Variants in F8 observed in about 807,000 individuals in gnomAD.
F8 encodes antihemophilic factor.
A neutral mutation model predicts 140.6 loss-of-function variants in F8; 12 were observed. That is an observed-to-expected ratio of 0.09 (90% confidence interval 0.05 to 0.14). F8 has a LOEUF of 0.14. F8 is among the 10% of genes least tolerant of loss of function. The pLI is 1.00. For synonymous variants in F8, 585 were observed against 614.6 expected (o/e 0.95, Z 0.71); for missense variants, 1,354 against 1,720.7 (o/e 0.79, Z 3.77).
rs1461583274 is a variant in F8, at chrX:154,972,656, T to C, written c.788-3104A>G. Among the ~76,000 whole-genome samples, 6 of 109,487 alleles carry C rather than the reference T, an allele frequency of 5.5e-5. No individual in the cohort carries two copies. The East Asian group carries it at 1.7e-3, about 31-fold the overall frequency. ...CTTCTAATAATTTCAGAGTTTCAGG[T>C]CTTAAATTTAATTCCTTAATCTATT... On this transcript the variant is annotated intron_variant, in intron 6 of 25. Transcript: ENST00000360256.
In F8 at chrX:154,929,447, T is replaced by G; in HGVS notation, c.4343A>C (p.Gln1448Pro). The G allele has an allele frequency of 8.3e-7, 1 of 1,211,872 alleles. No homozygotes were observed. The highest frequency in any genetic ancestry group is 1.1e-6 in the Non-Finnish European group (1 of 895,481). Residue 1448 changes from glutamine to proline, a missense_variant, in exon 14 of 26, where the codon CAA becomes CCA. Physicochemically the swap from Gln to Pro is moderately conservative, Grantham distance 76. Around this residue, in one of 4 missense-constraint regions of F8, gnomAD observed 658 missense variants for 666.5 expected, o/e 0.99. Transcript: ENST00000360256. The stretch of plus-strand genomic sequence containing the variant: ...TCCTTGTAAGAAATGACTGCTTTCT[T>G]GGACCCCAGAATCTTTCTTTCTATA... ...ASYRKKDSGVQESSHFLQGAK... is the reference protein window; with the variant it reads ...ASYRKKDSGVPESSHFLQGAK...
intron 25 of F8, among the ~76,000 whole-genome samples, chrX:154,855,212 T>A (rs2072643296): frequency 8.9e-6 from 1 of 112,098 alleles, no homozygotes; most frequent in African/African-American, 3.3e-5. Flanking sequence ...ATATTGACAC[T>A]TGTGAACATA....
chrX:154,998,154 A>G (rs946912187), intron 2 of F8, among the ~76,000 whole-genome samples: 1 of 112,817 alleles, frequency 8.9e-6, no homozygotes, highest in Non-Finnish European at 1.9e-5. Context: ...GTATTAACCA[A>G]CAGTATCACT....
chrX:155,016,675 G>A (rs1379096554), intron 1 of F8, among the ~76,000 whole-genome samples: 2 of 112,792 alleles, frequency 1.8e-5, no homozygotes, highest in African/African-American at 6.4e-5. Context: ...TTCCACTGAT[G>A]TAAAATTCTA....
rs137852470 is a variant in F8 at position 154,860,538 on chromosome X, T to C, written c.6794A>G (p.Gln2265Arg). 1 of 1,211,436 alleles carries C rather than the reference T, an allele frequency of 8.3e-7. No individual in the cohort carries two copies. Among genetic ancestry groups the C allele is most frequent in the Non-Finnish European group, 1.1e-6 (1 of 895,051 alleles). Residue 2265 changes from glutamine (Q) to arginine (R), a missense_variant, in exon 25 of 26, where the codon CAG becomes CGG. Transcript: ENST00000360256. ...KTMKVTGVTT[Q>R]GVKSLLTSMY... ...GCTGGTAAGCAGAGATTTTACTCCCTGAGTAGTTACTCCTGTGACTTTCAT... is the reference window on the plus strand; with the variant it reads ...GCTGGTAAGCAGAGATTTTACTCCCCGAGTAGTTACTCCTGTGACTTTCAT...
At chrX:154,982,179 G>A (rs1222599554) in intron 6 of F8, among the ~76,000 whole-genome samples, 2 of 105,417 alleles carry the variant, frequency 1.9e-5, no homozygotes, top group Non-Finnish European at 3.9e-5. Flanking sequence ...ACAAGACTCC[G>A]TCTCAAAAAA....
At chrX:154,956,695 T>C (rs2065819397) in intron 11 of F8, among the ~76,000 whole-genome samples, 1 of 110,683 alleles carries the variant, frequency 9.0e-6, no homozygotes, top group South Asian at 3.9e-4. Flanking sequence ...AAATAGGTGG[T>C]AATTGGACAT....
chrX:154,944,629 A>T (rs1182884438), intron 13 of F8, among the ~76,000 whole-genome samples: 1 of 111,098 alleles, frequency 9.0e-6, no homozygotes, highest in African/African-American at 3.3e-5. Flanking sequence ...TCAGGGATCT[A>T]GAACTAGAAA....
chrX:154,919,715 G>T, intron 14 of F8: 1 of 380,744 alleles, frequency 2.6e-6, no homozygotes. Context: ...GTCTATCCCA[G>T]GGCTCTCTAT....
At chrX:154,870,248 G>A (rs1271448995) in intron 22 of F8, among the ~76,000 whole-genome samples, 2 of 111,901 alleles carry the variant, frequency 1.8e-5, no homozygotes, top group African/African-American at 3.2e-5. Context: ...AACAAAAAAA[G>A]AAAATTTCAG....
intron 6 of F8, among the ~76,000 whole-genome samples, chrX:154,982,368 AC>A (rs1390620653): frequency 2.3e-4 from 22 of 97,540 alleles, no homozygotes; most frequent in Middle Eastern, 5.4e-3. Flanking sequence ...AATGGCGTGA[AC>A]CCCGGGGGGC....
At chrX:154,938,477 C>T (rs781874563) in intron 13 of F8, among the ~76,000 whole-genome samples, 1 of 111,910 alleles carries the variant, frequency 8.9e-6, no homozygotes, top group African/African-American at 3.2e-5. Flanking sequence ...AGCAATCAGA[C>T]TTCTAGAAGA....
At chrX:154,960,364 C>G (rs1335325663) in intron 10 of F8, among the ~76,000 whole-genome samples, 1 of 110,303 alleles carries the variant, frequency 9.1e-6, no homozygotes, top group South Asian at 3.8e-4. Context: ...GGGAGGCAGC[C>G]CTTTTGTAGT....
intron 5 of F8, among the ~76,000 whole-genome samples, chrX:154,985,158 G>A (rs1207653969): frequency 1.8e-5 from 2 of 111,699 alleles, no homozygotes; most frequent in Admixed American, 9.5e-5. Context: ...CCTAGGGGCC[G>A]GGCGCGGTGG....
intron 9 of F8, 156 bp downstream of exon 9, chrX:154,965,814 T>A: frequency 1.9e-6 from 1 of 531,259 alleles, no homozygotes; most frequent in South Asian, 3.2e-5. Context: ...TACTCAAACT[T>A]TAAATACATA....
chrX:154,845,860 C>T (rs1260648474), intron 25 of F8, among the ~76,000 whole-genome samples: 1 of 111,710 alleles, frequency 9.0e-6, no homozygotes, highest in African/African-American at 3.3e-5. Context: ...GCTCTTGCTT[C>T]TCTAGTTCTT....
chrX:154,871,579 A>G (rs1603431877), intron 22 of F8, among the ~76,000 whole-genome samples: 1 of 112,415 alleles, frequency 8.9e-6, no homozygotes, highest in Non-Finnish European at 1.9e-5. Flanking sequence ...CGTAAGACCT[A>G]GGACCATAAA....
intron 11 of F8, among the ~76,000 whole-genome samples, chrX:154,955,317 ATTTT>A (rs34537569): frequency 1.5e-5 from 1 of 66,890 alleles, no homozygotes; most frequent in African/African-American, 7.1e-5. Flanking sequence ...TGCCCAGCTA[ATTTT>A]TTTTTTTTTT....
rs1490769883 is a variant in F8 at position 154,843,487 on chromosome X, C to T, written c.6901-5735G>A. ...TCCTGACTTTTTAATGATCGCCATT[C>T]TAACTGGTGTGAGATGGTATCTCAC... On this transcript the variant is annotated intron_variant, in intron 25 of 25. Coordinates refer to ENST00000360256, the MANE Select transcript of F8 (RefSeq NM_000132.4). 4.5e-5 allele frequency among the ~76,000 whole-genome samples: 5 copies of T among 112,127 alleles called. No individual in the cohort carries two copies. In the East Asian group the frequency reaches 1.4e-3, roughly 31 times the overall value.
Sources: gnomAD v4.1 joint callset for allele counts (sites outside exome capture counted in the v4.1 genomes callset) on GRCh38, gnomAD v4.1.1 for gene constraint, gnomAD v4.1.1 regional missense constraint, MANE v1.5 for transcripts, NCBI Gene and HGNC (gene_info 2026-07-23, HGNC 2026-07-21) for gene names.